ZAP70: variants seen among roughly 807,000 people sequenced by gnomAD.
ZAP70 encodes tyrosine-protein kinase ZAP-70.
ZAP70 carries 27 observed loss-of-function variants against 65.8 expected under a neutral mutation model. The ratio of observed to expected loss-of-function variants is 0.41; its 90% CI spans 0.30 to 0.57. The LOEUF (loss-of-function observed/expected upper bound fraction) is 0.57, where lower values mean the gene tolerates loss of function less well. Among genes scored for constraint, ZAP70 ranks in the 20% least tolerant of loss-of-function variants. The pLI is 0.28. For missense variants in ZAP70, 696 were observed against 870.5 expected, an observed-to-expected ratio of 0.80 and a Z score of 2.52; for synonymous variants, 363 against 360.8, an observed-to-expected ratio of 1.01 and a Z score of -0.07.
the ZAP70 span, among the ~76,000 whole-genome samples, chr2:97,749,453 G>A: frequency 6.6e-6 from 1 of 152,214 alleles, no homozygotes; most frequent in African/African-American, 2.4e-5. Flanking sequence ...GGTCTTTCTA[G>A]GCAGCAGCAA....
intron 4 of ZAP70, among the ~76,000 whole-genome samples, chr2:97,730,387 G>A (rs1302172950): frequency 6.6e-6 from 1 of 152,198 alleles, no homozygotes; most frequent in East Asian, 1.9e-4. Context: ...GGCTGGAGCT[G>A]GATGGTCTCT....
the ZAP70 span, among the ~76,000 whole-genome samples, chr2:97,753,016 CTT>C: frequency 6.6e-6 from 1 of 152,174 alleles, no homozygotes; most frequent in Non-Finnish European, 1.5e-5. Flanking sequence ...AAAAAGGAAT[CTT>C]TCTTCAAATT....
downstream of ZAP70, among the ~76,000 whole-genome samples, chr2:97,741,223 C>T (rs562305935): frequency 7.2e-5 from 11 of 152,322 alleles, no homozygotes; most frequent in Admixed American, 2.6e-4. Flanking sequence ...ATCTCAGTTT[C>T]CCTCCCAACA....
At chr2:97,717,560 G>A (rs929148401) in intron 2 of ZAP70, among the ~76,000 whole-genome samples, 7 of 152,174 alleles carry the variant, frequency 4.6e-5, no homozygotes, top group Admixed American at 3.9e-4. Flanking sequence ...AGGTCCAGTG[G>A]CTTTGGTGTG....
intron 13 of ZAP70, chr2:97,738,622 C>T (rs573745784): frequency 1.9e-5 from 4 of 209,632 alleles, no homozygotes; most frequent in Non-Finnish European, 3.0e-5. Context: ...AACTTCCCAT[C>T]AGACAACAGG....
chr2:97,715,374 C>T lies in ZAP70; in HGVS notation c.-22+1380C>T, dbSNP rs760032025. 5.9e-5 allele frequency among the ~76,000 whole-genome samples: 9 copies of T among 152,208 alleles called. No homozygotes were observed. The highest frequency in any genetic ancestry group is 1.0e-4 in the Non-Finnish European group (7 of 68,028). Reference sequence around the variant, plus strand: ...AGGCCCAGGACAGTCCCACCCTGTTCCATTGTCTCTATCAGCCCCTATCCT... The same window carrying T: ...AGGCCCAGGACAGTCCCACCCTGTTTCATTGTCTCTATCAGCCCCTATCCT... On this transcript the variant is annotated intron_variant, in intron 2 of 13. Transcript: ENST00000264972. The surrounding 1 kb of genome is among the most constrained non-coding windows in gnomAD (Gnocchi z 4.1).
intron 4 of ZAP70, among the ~76,000 whole-genome samples, chr2:97,729,204 C>G (rs964021806): frequency 7.9e-5 from 12 of 152,160 alleles, no homozygotes; most frequent in African/African-American, 2.7e-4. Flanking sequence ...TCCTTAGAAC[C>G]CTTTTCAGGT....
chr2:97,716,063 G>C (rs1455730997), intron 2 of ZAP70, among the ~76,000 whole-genome samples: 2 of 152,182 alleles, frequency 1.3e-5, no homozygotes, highest in Admixed American at 1.3e-4. Flanking sequence ...AGGCTGGGGA[G>C]GGGGCAGGGC....
the ZAP70 span, among the ~76,000 whole-genome samples, chr2:97,746,155 A>C: frequency 1.3e-5 from 2 of 152,200 alleles, no homozygotes; most frequent in African/African-American, 4.8e-5. Flanking sequence ...AGAAGTTACC[A>C]GGAGCTGGGG....
At chr2:97,751,914 G>A in the ZAP70 span, among the ~76,000 whole-genome samples, 3 of 152,208 alleles carry the variant, frequency 2.0e-5, no homozygotes, top group African/African-American at 4.8e-5. Context: ...AGCCATTCAC[G>A]AGGGCTCCAT....
chr2:97,724,177 G>A lies in ZAP70; in HGVS notation c.141G>A (p.Val47=). 1.3e-6 allele frequency: 2 copies of A among 1,592,564 alleles called. No individual in the cohort carries two copies. Among genetic ancestry groups the A allele is most frequent in the East Asian group, 2.3e-5 (1 of 44,088 alleles). Residue 47 remains valine (V), a synonymous_variant, in exon 3 of 14, where the codon GTG becomes GTA. Transcript: ENST00000264972. ...GCCTGCGCTCGCTGGGCGGCTATGTGCTGTCGCTCGTGCACGATGTGCGCT... is the reference window on the plus strand; with the variant it reads ...GCCTGCGCTCGCTGGGCGGCTATGTACTGTCGCTCGTGCACGATGTGCGCT... ...RQCLRSLGGY[V]LSLVHDVRFH...
Position 97,725,133 on chromosome 2 carries a change from G to A in ZAP70, c.444G>A (p.Gln148=), listed in dbSNP as rs1231391934. The A allele has an allele frequency of 3.1e-6, 5 of 1,614,150 alleles. No individual in the cohort carries two copies. The highest frequency in any genetic ancestry group is 1.1e-5 in the South Asian group (1 of 91,082). ...AGGCCATCATCAGCCAGGCCCCGCA[G>A]GTGGAGAAGCTCATTGCTACGACGG... ...LEQAIISQAP[Q]VEKLIATTAH... The change falls in exon 4 of 14, where the codon CAG becomes CAA. Residue 148 remains glutamine (Q), a synonymous_variant. Transcript: ENST00000264972.
In ZAP70 at chr2:97,724,451, C is replaced by G; in HGVS notation, c.402+13C>G. The stretch of plus-strand genomic sequence containing the variant: ...GTGGAAGCTGGAGGTGAGAGCGCAG[C>G]CTGGGGCGCGGGGTCTGGAGGGGCG... On this transcript the variant is annotated intron_variant, in intron 3 of 13. Transcript: ENST00000264972. 1 of 1,527,312 alleles carries G rather than the reference C, an allele frequency of 6.5e-7. No individual in the cohort carries two copies. Among genetic ancestry groups the G allele is most frequent in the Non-Finnish European group, 8.8e-7 (1 of 1,139,168 alleles). 94.6% of individuals were successfully genotyped at this position (1,527,312 alleles called of 1,614,324 possible). A position where few individuals can be genotyped will look rare whatever the true frequency, so the allele number is the denominator to read the frequency against.
chr2:97,729,721 C>A (rs1312263568), intron 4 of ZAP70, among the ~76,000 whole-genome samples: 1 of 148,656 alleles, frequency 6.7e-6, no homozygotes, highest in Non-Finnish European at 1.5e-5. Context: ...CACTACCTAG[C>A]ATTTTTTTTT....
chr2:97,738,221 C>T (rs1298106310), intron 13 of ZAP70, 114 bp downstream of exon 13: 11 of 1,100,224 alleles, frequency 1.0e-5, no homozygotes, highest in Non-Finnish European at 1.2e-5. Context: ...AAGCCCTTCA[C>T]CCAGTTCATA....
At chr2:97,745,270 C>T in the ZAP70 span, among the ~76,000 whole-genome samples, 1 of 152,202 alleles carries the variant, frequency 6.6e-6, no homozygotes, top group South Asian at 2.1e-4. Flanking sequence ...AACTCCTGAC[C>T]TCAGGTGATC....
chr2:97,739,769 A>G lies in ZAP70; in HGVS notation c.*271A>G. 1 of 510,358 alleles carries G rather than the reference A, an allele frequency of 2.0e-6. No individual in the cohort carries two copies. Among genetic ancestry groups the G allele is most frequent in the Non-Finnish European group, 3.5e-6 (1 of 285,514 alleles). 31.6% of individuals were successfully genotyped at this position (510,358 alleles called of 1,614,324 possible). On this transcript the variant is annotated 3_prime_UTR_variant, in exon 14 of 14. Transcript: ENST00000264972. ...GCCCTGAGCTGAGGGCATTGCTTACACGGATGCCTTCCCCTGGGCCCTGAC... is the reference window on the plus strand; with the variant it reads ...GCCCTGAGCTGAGGGCATTGCTTACGCGGATGCCTTCCCCTGGGCCCTGAC...
chr2:97,716,232 C>A (rs532046260), intron 2 of ZAP70, among the ~76,000 whole-genome samples: 1 of 152,302 alleles, frequency 6.6e-6, no homozygotes, highest in African/African-American at 2.4e-5. Flanking sequence ...AAGGAAGCCC[C>A]TGTGGCCCCT....
chr2:97,733,249 G>T (rs772445297), intron 6 of ZAP70, 37 bp downstream of exon 6: 1 of 1,609,164 alleles, frequency 6.2e-7, no homozygotes, highest in Admixed American at 1.7e-5. Flanking sequence ...GGGCGGGGGC[G>T]GCAGGAGACC....
Sources: allele counts gnomAD v4.1 joint callset (sites outside exome capture counted in the v4.1 genomes callset), GRCh38; gene constraint gnomAD v4.1.1; non-coding constraint Gnocchi (gnomAD v3.1); transcripts MANE v1.5; gene names NCBI Gene and HGNC (gene_info 2026-07-23, HGNC 2026-07-21).